The following DPY19L2 variants were observed in gnomAD, a reference collection of about 807,000 sequenced individuals.
DPY19L2 encodes dpy-19 like 2.
DPY19L2 carries 34 observed loss-of-function variants against 97.9 expected under a neutral mutation model. That is an observed-to-expected ratio of 0.35 (90% confidence interval 0.26 to 0.46). The LOEUF (loss-of-function observed/expected upper bound fraction) is 0.46, where lower values mean the gene tolerates loss of function less well. Ranked by LOEUF, DPY19L2 falls within the 20% of genes least tolerant of loss-of-function variation. The probability of loss-of-function intolerance (pLI) is 1.00; values close to 1 mark genes in which losing one functional copy is unlikely to be tolerated. For synonymous variants in DPY19L2, 230 were observed against 307.9 expected (o/e 0.75, Z 2.65); for missense variants, 623 against 911.4 (o/e 0.68, Z 4.07).
chr12:63,662,780 A>T (rs1895848086), intron 3 of DPY19L2, among the ~76,000 whole-genome samples: 3 of 152,216 alleles, frequency 2.0e-5, no homozygotes, highest in African/African-American at 2.4e-5. Flanking sequence ...AAATATCTTT[A>T]AAAAGTTCAA....
chr12:63,663,415 T>C (rs2138326022), intron 3 of DPY19L2, among the ~76,000 whole-genome samples: 1 of 152,206 alleles, frequency 6.6e-6, no homozygotes, highest in South Asian at 2.1e-4. Context: ...AAGGCCCAGG[T>C]AAAACATGGA....
At chr12:63,599,482 T>C (rs1454184777) in intron 13 of DPY19L2, among the ~76,000 whole-genome samples, 1 of 152,158 alleles carries the variant, frequency 6.6e-6, no homozygotes, top group Non-Finnish European at 1.5e-5. Flanking sequence ...ACATGTTGCA[T>C]GTTATATTGC....
In DPY19L2 at chr12:63,588,944, G is replaced by A. The variant is rs540694771; in HGVS notation, c.1581-5108C>T. Among the ~76,000 whole-genome samples the A allele has an allele frequency of 1.4e-4, 21 of 151,632 alleles. 1 individual carries two copies. Among genetic ancestry groups the A allele is most frequent in the African/African-American group, 4.6e-4 (19 of 41,406 alleles). ...AATTTTTTGTATTTTTAGTAGAGAC[G>A]GGGTTTCACCATGTTAGCCAGGATG... On this transcript the variant is annotated intron_variant, in intron 16 of 21. Transcript: ENST00000324472.
chr12:63,569,439 T>C, intron 20 of DPY19L2, 90 bp from the exon 21 acceptor site: 1 of 1,011,704 alleles, frequency 9.9e-7, no homozygotes, highest in Admixed American at 3.1e-5. Context: ...GAAATCTCAA[T>C]ACTCACTGGA....
chr12:63,564,645 T>C (rs931659601), intron 21 of DPY19L2, among the ~76,000 whole-genome samples: 3 of 152,182 alleles, frequency 2.0e-5, no homozygotes, highest in Admixed American at 1.3e-4. Context: ...CTTTGTGGCC[T>C]AGAAAATGGT....
chr12:63,639,407 T>C (rs1441160190), intron 6 of DPY19L2, among the ~76,000 whole-genome samples: 4 of 152,158 alleles, frequency 2.6e-5, no homozygotes, highest in African/African-American at 4.8e-5. Flanking sequence ...TCAGAGTGAA[T>C]AGGCAACCTA....
intron 11 of DPY19L2, among the ~76,000 whole-genome samples, chr12:63,616,626 C>A (rs182903411): frequency 0.016 from 2,485 of 152,208 alleles, 75 homozygotes; most frequent in African/African-American, 0.056. Flanking sequence ...TACTAAACCA[C>A]CCTTCCAAAC....
At chr12:63,643,266 G>A (rs1472489350) in intron 6 of DPY19L2, among the ~76,000 whole-genome samples, 2 of 149,796 alleles carry the variant, frequency 1.3e-5, no homozygotes, top group Non-Finnish European at 3.0e-5. Context: ...TTCTTTTTAT[G>A]TACCGTGCTG....
At position 63,611,477 on chromosome 12, in the gene DPY19L2, C is replaced by A. The variant is rs1298866928; in HGVS notation, c.1219-2802G>T. Among the ~76,000 whole-genome samples, 3 of 151,700 alleles carry A rather than the reference C, an allele frequency of 2.0e-5. No homozygotes were observed. In the South Asian group the frequency reaches 6.2e-4, roughly 31 times the overall value. ...AGAAGAAACAATTAATTGAAACCGA[C>A]ACAGATGACAGAATTAGCAGGTGGA... is the stretch of plus-strand genomic sequence containing the variant. On this transcript the variant is annotated intron_variant, in intron 11 of 21. Transcript: ENST00000324472.
intron 6 of DPY19L2, 103 bp from the exon 7 acceptor site, chr12:63,626,629 T>C: frequency 6.9e-7 from 1 of 1,443,320 alleles, no homozygotes; most frequent in African/African-American, 1.5e-5. Context: ...CACAGTTTTC[T>C]ATATTTAAAA....
intron 19 of DPY19L2, among the ~76,000 whole-genome samples, chr12:63,572,372 G>A (rs1202231045): frequency 6.6e-6 from 1 of 152,154 alleles, no homozygotes; most frequent in Non-Finnish European, 1.5e-5. Flanking sequence ...GAAGGACTTT[G>A]TCTGGTGGTT....
At chr12:63,592,064 G>A (rs113539233) in intron 16 of DPY19L2, among the ~76,000 whole-genome samples, 77 of 64,014 alleles carry the variant, frequency 1.2e-3, no homozygotes, top group Middle Eastern at 0.011. Context: ...GGAAGGGAAG[G>A]CAAGAGAAGA....
rs776172524 is a variant in DPY19L2, at chr12:63,569,406, T to C, written c.2001-57A>G. 8.4e-5 allele frequency: 109 copies of C among 1,296,414 alleles called. 1 individual carries two copies. In the Middle Eastern group the frequency reaches 1.5e-3, roughly 17 times the overall value. The allele number at this position is 1,296,414 out of a possible 1,614,324, so 80.3% of individuals were successfully genotyped here. On this transcript the variant is annotated intron_variant, in intron 20 of 21. Transcript: ENST00000324472. ...TAAAATAAATGATAATAGAATAGAC[T>C]AAAAAAATCTTACTAGCAAATTGAA...
chr12:63,569,009 G>A (rs1878296675), intron 21 of DPY19L2, among the ~76,000 whole-genome samples: 1 of 151,504 alleles, frequency 6.6e-6, no homozygotes, highest in South Asian at 2.1e-4. Flanking sequence ...TGAAAAATCA[G>A]GATATTAAAT....
chr12:63,566,840 GTTT>G (rs146327386), intron 21 of DPY19L2, among the ~76,000 whole-genome samples: 4,705 of 152,070 alleles, frequency 0.031, 366 homozygotes, highest in East Asian at 0.27. Context: ...TTAGTTATAT[GTTT>G]AGGGTTTTTC....
At chr12:63,640,695 C>T (rs1283078782) in intron 6 of DPY19L2, among the ~76,000 whole-genome samples, 6 of 152,064 alleles carry the variant, frequency 3.9e-5, no homozygotes, top group Admixed American at 2.0e-4. Context: ...CTAGATAGAG[C>T]CTAATATTGT....
At chr12:63,574,081 G>A (rs367838782) in intron 19 of DPY19L2, among the ~76,000 whole-genome samples, 48 of 151,928 alleles carry the variant, frequency 3.2e-4, no homozygotes, top group African/African-American at 1.1e-3. Flanking sequence ...GTAGAAAGAC[G>A]AAAAGATGAA....
chr12:63,648,838 C>G (rs184269108), intron 4 of DPY19L2, among the ~76,000 whole-genome samples: 3 of 151,998 alleles, frequency 2.0e-5, no homozygotes, highest in Non-Finnish European at 4.4e-5. Context: ...AGAAAGATCT[C>G]AAACTGAATG....
At chr12:63,571,311 G>T (rs1411007555) in intron 19 of DPY19L2, among the ~76,000 whole-genome samples, 1 of 152,154 alleles carries the variant, frequency 6.6e-6, no homozygotes, top group Non-Finnish European at 1.5e-5. Context: ...GCAGACTGCT[G>T]TTGTAGATGA....
Sources: allele counts gnomAD v4.1 joint callset (sites outside exome capture counted in the v4.1 genomes callset), GRCh38; gene constraint gnomAD v4.1.1; transcripts MANE v1.5; gene names NCBI Gene and HGNC (gene_info 2026-07-23, HGNC 2026-07-21).